GALNTL6: variants seen among roughly 807,000 people sequenced by gnomAD.
GALNTL6 encodes the protein polypeptide N-acetylgalactosaminyltransferase like 6.
In GALNTL6, 46 loss-of-function variants were observed where a neutral mutation model predicts 73.7. The ratio of observed to expected loss-of-function variants is 0.62; its 90% CI spans 0.49 to 0.80. The LOEUF (loss-of-function observed/expected upper bound fraction) is 0.80. Ranked by LOEUF, GALNTL6 falls within the 30% of genes least tolerant of loss-of-function variation. The pLI is 0.00. For synonymous variants in GALNTL6, 259 were observed against 263.7 expected, an observed-to-expected ratio of 0.98 and a Z score of 0.17; for missense variants, 604 against 755.0, an observed-to-expected ratio of 0.80 and a Z score of 2.34.
At chr4:172,488,888 C>T (rs1733796672) in intron 5 of GALNTL6, among the ~76,000 whole-genome samples, 1 of 152,000 alleles carries the variant, frequency 6.6e-6, no homozygotes, top group African/African-American at 2.4e-5. Context: ...GAAGAGGCAG[C>T]ACTCTGTTCA....
At chr4:172,128,373 G>A (rs1733363593) in intron 2 of GALNTL6, among the ~76,000 whole-genome samples, 1 of 151,874 alleles carries the variant, frequency 6.6e-6, no homozygotes, top group Non-Finnish European at 1.5e-5. Context: ...CATACAAGAG[G>A]CATAAACATA....
chr4:172,081,486 A>G (rs370300347), intron 2 of GALNTL6, among the ~76,000 whole-genome samples: 1 of 152,264 alleles, frequency 6.6e-6, no homozygotes, highest in African/African-American at 2.4e-5. Flanking sequence ...AAAAATACAA[A>G]AATTAGCTGG....
chr4:172,525,696 T>C (rs944185316), intron 5 of GALNTL6, among the ~76,000 whole-genome samples: 1 of 152,016 alleles, frequency 6.6e-6, no homozygotes, highest in Non-Finnish European at 1.5e-5. Flanking sequence ...ACCCTCATTA[T>C]ACAAAAAATC....
At chr4:172,997,859 A>C (rs1751866717) in intron 10 of GALNTL6, among the ~76,000 whole-genome samples, 2 of 152,218 alleles carry the variant, frequency 1.3e-5, no homozygotes, top group African/African-American at 4.8e-5. Flanking sequence ...AATTCACACA[A>C]GTAAAAAAGT....
At chr4:172,529,544 G>A (rs929314457) in intron 5 of GALNTL6, among the ~76,000 whole-genome samples, 2 of 152,038 alleles carry the variant, frequency 1.3e-5, no homozygotes, top group Admixed American at 1.3e-4. Context: ...ATATCCTCCA[G>A]TAATTAACTT....
intron 9 of GALNTL6, among the ~76,000 whole-genome samples, chr4:172,950,312 T>C (rs1371431807): frequency 6.6e-6 from 1 of 152,192 alleles, no homozygotes; most frequent in African/African-American, 2.4e-5. Flanking sequence ...CAAGTAATAA[T>C]CTCTCAGGGA....
At chr4:172,941,273 A>T (rs1304864978) in intron 9 of GALNTL6, among the ~76,000 whole-genome samples, 1 of 152,238 alleles carries the variant, frequency 6.6e-6, no homozygotes, top group African/African-American at 2.4e-5. Flanking sequence ...ATTTTATGTT[A>T]GCTTTTGTTT....
intron 2 of GALNTL6, among the ~76,000 whole-genome samples, chr4:171,958,500 A>ATGAGAAGAAGTTCACAAAATAT (rs1560859287): frequency 6.6e-6 from 1 of 152,174 alleles, no homozygotes; most frequent in Admixed American, 6.5e-5. Context: ...AGTCATTTCT[A>ATGAGAAGAAGTTCACAAAATAT]TGAGAAGAAG....
At chr4:172,185,754 A>G (rs1735396693) in intron 2 of GALNTL6, among the ~76,000 whole-genome samples, 1 of 152,156 alleles carries the variant, frequency 6.6e-6, no homozygotes, top group Non-Finnish European at 1.5e-5. Flanking sequence ...CTAACAACTG[A>G]CTTTAGTTTA....
chr4:172,236,772 G>GACAA (rs66524291), intron 3 of GALNTL6, among the ~76,000 whole-genome samples: 4 of 151,968 alleles, frequency 2.6e-5, no homozygotes, highest in Non-Finnish European at 5.9e-5. Flanking sequence ...TGATTCTATA[G>GACAA]ATTGCAAGTT....
intron 8 of GALNTL6, among the ~76,000 whole-genome samples, chr4:172,894,763 T>C (rs1435948931): frequency 6.6e-6 from 1 of 152,188 alleles, no homozygotes; most frequent in Admixed American, 6.5e-5. Context: ...TGCCCATTGC[T>C]GACAATGGGG....
At chr4:171,956,581 A>G (rs1189359852) in intron 2 of GALNTL6, among the ~76,000 whole-genome samples, 1 of 152,124 alleles carries the variant, frequency 6.6e-6, no homozygotes, top group Non-Finnish European at 1.5e-5. Flanking sequence ...TGATAATTTC[A>G]TATTTCTTCT....
chr4:172,317,463 CTTG>C (rs1360521428), intron 4 of GALNTL6, among the ~76,000 whole-genome samples: 1 of 152,106 alleles, frequency 6.6e-6, no homozygotes, highest in African/African-American at 2.4e-5. Context: ...TGATAATGAT[CTTG>C]TTGATTCCCT....
intron 8 of GALNTL6, among the ~76,000 whole-genome samples, chr4:172,905,731 C>G (rs1746848954): frequency 7.5e-6 from 1 of 132,550 alleles, no homozygotes; most frequent in South Asian, 2.5e-4. Context: ...TCTAGGTATA[C>G]TTTATTAATT....
chr4:172,624,625 A>G (rs1318008955), intron 5 of GALNTL6, among the ~76,000 whole-genome samples: 1 of 152,110 alleles, frequency 6.6e-6, no homozygotes, highest in Non-Finnish European at 1.5e-5. Flanking sequence ...CAGAGGGAAG[A>G]CAAACATTGA....
At chr4:172,715,847 A>G (rs1465325047) in intron 5 of GALNTL6, among the ~76,000 whole-genome samples, 1 of 152,202 alleles carries the variant, frequency 6.6e-6, no homozygotes, top group Non-Finnish European at 1.5e-5. Flanking sequence ...GCAAAGAACT[A>G]CATATGACTT....
At chr4:172,999,325 A>T (rs1050209977) in intron 10 of GALNTL6, among the ~76,000 whole-genome samples, 1 of 152,144 alleles carries the variant, frequency 6.6e-6, no homozygotes, top group Non-Finnish European at 1.5e-5. Context: ...TATCACATGG[A>T]AAAACTGTGC....
At chr4:172,108,881 C>G (rs968154200) in intron 2 of GALNTL6, among the ~76,000 whole-genome samples, 1 of 151,692 alleles carries the variant, frequency 6.6e-6, no homozygotes, top group African/African-American at 2.4e-5. Context: ...GGCATGGTAG[C>G]GTGCGCCCAT....
intron 2 of GALNTL6, among the ~76,000 whole-genome samples, chr4:172,115,847 T>G (rs1447508494): frequency 6.6e-6 from 1 of 152,094 alleles, no homozygotes; most frequent in African/African-American, 2.4e-5. Context: ...ATAAGGAATA[T>G]TAATACCTAA....
Sources: allele counts gnomAD v4.1 joint callset (sites outside exome capture counted in the v4.1 genomes callset), GRCh38; gene constraint gnomAD v4.1.1; transcripts MANE v1.5; gene names NCBI Gene and HGNC (gene_info 2026-07-23, HGNC 2026-07-21).